GSE1: variants seen among roughly 807,000 people sequenced by gnomAD.
GSE1 encodes the protein genetic suppressor element 1.
In GSE1, 32 loss-of-function variants were observed where a neutral mutation model predicts 112.6. The observed-to-expected ratio is 0.28, with a 90% CI of 0.21 to 0.38. The LOEUF is 0.38. Among genes scored for constraint, GSE1 ranks in the 10% least tolerant of loss-of-function variants. The probability of loss-of-function intolerance (pLI) is 1.00; values close to 1 mark genes in which losing one functional copy is unlikely to be tolerated. For synonymous variants in GSE1, 1,115 were observed against 735.6 expected (o/e 1.52, Z -8.35); for missense variants, 2,348 against 1,699.2 (o/e 1.38, Z -6.71).
intron 3 of GSE1, 26 bp from the exon 4 acceptor site, chr16:85,654,252 C>G: frequency 6.4e-7 from 1 of 1,567,976 alleles, no homozygotes. Flanking sequence ...AGGCTCCTGC[C>G]CTGACTGGAC....
intron 1 of GSE1, among the ~76,000 whole-genome samples, chr16:85,245,054 T>G (rs902955758): frequency 1.8e-4 from 27 of 151,750 alleles, no homozygotes; most frequent in Admixed American, 2.0e-4. Context: ...CCCAGCTACT[T>G]AGGAGGCTGA....
At chr16:85,621,012 C>A (rs142139188) in intron 1 of GSE1, among the ~76,000 whole-genome samples, 1 of 151,846 alleles carries the variant, frequency 6.6e-6, no homozygotes, top group Non-Finnish European at 1.5e-5. Flanking sequence ...TTGGGGAATC[C>A]GTTTAGATGG....
chr16:85,247,199 G>C lies in GSE1; in HGVS notation c.2283+75392G>C, dbSNP rs561843238. 2.6e-5 allele frequency among the ~76,000 whole-genome samples: 4 copies of C among 152,260 alleles called. No individual in the cohort carries two copies. In the South Asian group the frequency reaches 8.3e-4, roughly 32 times the overall value. ...AGTGTCCTGGTCTTGATTTCGCCAC[G>C]GGCTGGATGCTCTGAATGGGAGGGT... On this transcript the variant is annotated intron_variant, in intron 1 of 2. Coordinates refer to the GSE1 transcript ENST00000637419.
intron 2 of GSE1, among the ~76,000 whole-genome samples, chr16:85,425,554 C>G (rs966508141): frequency 2.0e-5 from 3 of 152,146 alleles, no homozygotes; most frequent in Admixed American, 6.5e-5. Flanking sequence ...GGAGCCACAC[C>G]GATGCACGCT....
intron 1 of GSE1, among the ~76,000 whole-genome samples, chr16:85,276,229 G>A (rs1909346299): frequency 6.6e-6 from 1 of 152,272 alleles, no homozygotes; most frequent in African/African-American, 2.4e-5. Flanking sequence ...GTGGCTGCCA[G>A]CCCATGCTGA....
intron 1 of GSE1, among the ~76,000 whole-genome samples, chr16:85,598,514 G>A (rs966500315): frequency 1.3e-5 from 2 of 152,220 alleles, no homozygotes; most frequent in African/African-American, 2.4e-5. Context: ...ACTTTAAAAC[G>A]AATGTGCTTA....
chr16:85,302,989 A>G (rs2045569056), intron 1 of GSE1, among the ~76,000 whole-genome samples: 1 of 152,212 alleles, frequency 6.6e-6, no homozygotes, highest in African/African-American at 2.4e-5. Context: ...TGATGAGCAG[A>G]GGATGGCACA....
At chr16:85,254,880 C>T (rs1201826528) in intron 1 of GSE1, among the ~76,000 whole-genome samples, 4 of 152,230 alleles carry the variant, frequency 2.6e-5, no homozygotes, top group Non-Finnish European at 4.4e-5. Flanking sequence ...GATGTGTGCC[C>T]AGGTCCCAGT....
intron 2 of GSE1, among the ~76,000 whole-genome samples, chr16:85,429,969 G>C (rs2049080959): frequency 6.6e-6 from 1 of 152,228 alleles, no homozygotes; most frequent in South Asian, 2.1e-4. Flanking sequence ...ACAGAGCCTG[G>C]CATTCTGCGG....
intron 2 of GSE1, among the ~76,000 whole-genome samples, chr16:85,386,776 C>G (rs2047697631): frequency 6.6e-6 from 1 of 152,244 alleles, no homozygotes; most frequent in African/African-American, 2.4e-5. Context: ...ATGCTGCCCT[C>G]CTGGGACACC....
chr16:85,563,431 G>C (rs1272738157), intron 1 of GSE1, among the ~76,000 whole-genome samples: 1 of 152,224 alleles, frequency 6.6e-6, no homozygotes, highest in East Asian at 1.9e-4. Context: ...TCCGCAGCTG[G>C]GGTTGGCGCT....
At chr16:85,577,209 C>G (rs1180562304) in intron 1 of GSE1, among the ~76,000 whole-genome samples, 1 of 152,210 alleles carries the variant, frequency 6.6e-6, no homozygotes, top group African/African-American at 2.4e-5. Flanking sequence ...CTCTGCGGTT[C>G]TCTTCATGGT....
At chr16:85,214,181 C>G (rs1186468789) in intron 1 of GSE1, among the ~76,000 whole-genome samples, 1 of 152,210 alleles carries the variant, frequency 6.6e-6, no homozygotes, top group Non-Finnish European at 1.5e-5. Context: ...GCGGCCTCCG[C>G]TCACCCACGA....
At chr16:85,198,544 G>A (rs926853085) in intron 1 of GSE1, among the ~76,000 whole-genome samples, 15 of 152,254 alleles carry the variant, frequency 9.9e-5, no homozygotes, top group Admixed American at 2.0e-4. Context: ...TGTGCTGGGA[G>A]GGTCGGGATG....
chr16:85,590,445 A>AAGTGTGATTGTGTGAGCG (rs2046950872), intron 1 of GSE1, among the ~76,000 whole-genome samples: 1 of 144,100 alleles, frequency 6.9e-6, no homozygotes, highest in Non-Finnish European at 1.5e-5. Flanking sequence ...GAGTGTGAGC[A>AAGTGTGATTGTGTGAGCG]TGTGTGATTG....
intron 1 of GSE1, among the ~76,000 whole-genome samples, chr16:85,203,505 G>T (rs2075065504): frequency 6.6e-6 from 1 of 152,196 alleles, no homozygotes; most frequent in Non-Finnish European, 1.5e-5. Context: ...GCTCTTTCGT[G>T]GGAAGCCAGC....
At chr16:85,378,562 G>A (rs751157837) in intron 2 of GSE1, among the ~76,000 whole-genome samples, 7 of 151,320 alleles carry the variant, frequency 4.6e-5, no homozygotes, top group Non-Finnish European at 1.0e-4. Flanking sequence ...CACATGCAGC[G>A]CTCACCAGAC....
At chr16:85,263,984 G>T (rs748232790) in intron 1 of GSE1, among the ~76,000 whole-genome samples, 4 of 152,168 alleles carry the variant, frequency 2.6e-5, no homozygotes, top group Non-Finnish European at 4.4e-5. Flanking sequence ...GGGCCCTCCA[G>T]CCTGGGGCCG....
At chr16:85,205,133 A>AT (rs1327255310) in intron 1 of GSE1, among the ~76,000 whole-genome samples, 1 of 150,866 alleles carries the variant, frequency 6.6e-6, no homozygotes, top group African/African-American at 2.5e-5. Flanking sequence ...TTATTTATTT[A>AT]TTTTTTATTT....
Sources: allele counts gnomAD v4.1 joint callset (sites outside exome capture counted in the v4.1 genomes callset), GRCh38; gene constraint gnomAD v4.1.1; transcripts MANE v1.5; gene names NCBI Gene and HGNC (gene_info 2026-07-23, HGNC 2026-07-21).